The following COLEC12 variants were observed in gnomAD, a reference collection of about 807,000 sequenced individuals.
The protein encoded by COLEC12 is collectin subfamily member 12.
A neutral mutation model predicts 71.1 loss-of-function variants in COLEC12; 33 were observed. The ratio of observed to expected loss-of-function variants is 0.46; its 90% CI spans 0.35 to 0.62. COLEC12 has a LOEUF of 0.62. Among genes scored for constraint, COLEC12 ranks in the 20% least tolerant of loss-of-function variants. The pLI is 0.00. For synonymous variants in COLEC12, 350 were observed against 353.0 expected, an observed-to-expected ratio of 0.99 and a Z score of 0.10; for missense variants, 765 against 916.1, an observed-to-expected ratio of 0.84 and a Z score of 2.13.
intron 2 of COLEC12, 33 bp from the exon 3 acceptor site, chr18:357,555 G>T (rs1331831697): frequency 6.7e-7 from 1 of 1,490,162 alleles, no homozygotes; most frequent in Admixed American, 2.4e-5. Context: ...ATAACAGTAA[G>T]CAAAGATGTC....
At chr18:381,040 T>A (rs1915221466) in intron 2 of COLEC12, among the ~76,000 whole-genome samples, 1 of 152,112 alleles carries the variant, frequency 6.6e-6, no homozygotes, top group Non-Finnish European at 1.5e-5. Context: ...AGCCACAGAA[T>A]GTCAAAAGTG....
At chr18:474,868 T>A (rs1323809215) in intron 2 of COLEC12, among the ~76,000 whole-genome samples, 1 of 150,964 alleles carries the variant, frequency 6.6e-6, no homozygotes, top group Non-Finnish European at 1.5e-5. Context: ...AGGTCAGGAG[T>A]TCAAGACCAG....
At chr18:390,888 G>A (rs1474532342) in intron 2 of COLEC12, among the ~76,000 whole-genome samples, 1 of 151,202 alleles carries the variant, frequency 6.6e-6, no homozygotes. Flanking sequence ...TTAGCAGCAA[G>A]CACACGGGCA....
At chr18:407,880 C>T (rs1915820673) in intron 2 of COLEC12, among the ~76,000 whole-genome samples, 1 of 152,228 alleles carries the variant, frequency 6.6e-6, no homozygotes, top group African/African-American at 2.4e-5. Context: ...CTGCCTGGAG[C>T]CCGCCCTAGG....
At chr18:433,824 C>A (rs2143679947) in intron 2 of COLEC12, among the ~76,000 whole-genome samples, 1 of 152,146 alleles carries the variant, frequency 6.6e-6, no homozygotes, top group Middle Eastern at 3.4e-3. Context: ...ATTAGCCTCA[C>A]AAGGTGGTGT....
At chr18:419,564 T>G (rs768800602) in intron 2 of COLEC12, among the ~76,000 whole-genome samples, 4 of 152,214 alleles carry the variant, frequency 2.6e-5, no homozygotes, top group Non-Finnish European at 5.9e-5. Flanking sequence ...AATGTTTCTA[T>G]CAAAACGTTT....
At position 408,407 on chromosome 18, in the gene COLEC12, A is replaced by T. The variant is rs985653451; in HGVS notation, c.59-50885T>A. On this transcript the variant is annotated intron_variant, in intron 2 of 9. Coordinates refer to ENST00000400256, the MANE Select transcript of COLEC12 (RefSeq NM_130386.3). The surrounding 1 kb of genome is among the most constrained non-coding windows in gnomAD (Gnocchi z 4.3). ...ATGTAATCCCATCTGTGTTTTCAAT[A>T]AATAATACATCACATACTGCATCTC... 6.6e-5 allele frequency among the ~76,000 whole-genome samples: 10 copies of T among 152,210 alleles called. No homozygotes were observed. The highest frequency in any genetic ancestry group is 2.2e-4 in the African/African-American group (9 of 41,454).
At chr18:397,362 T>G (rs1470178474) in intron 2 of COLEC12, among the ~76,000 whole-genome samples, 1 of 151,956 alleles carries the variant, frequency 6.6e-6, no homozygotes, top group Non-Finnish European at 1.5e-5. Context: ...CCTAATAAAT[T>G]ATCTACACAG....
intron 2 of COLEC12, among the ~76,000 whole-genome samples, chr18:382,990 A>T (rs181886960): frequency 1.1e-4 from 16 of 152,210 alleles, no homozygotes; most frequent in Non-Finnish European, 2.1e-4. Flanking sequence ...TTGGGGTGTC[A>T]TCTACAGGCA....
Position 408,453 on chromosome 18 carries a change from A to G in COLEC12, c.59-50931T>C, listed in dbSNP as rs921635885. ...ATCTCCTTTAGTGGTCTTTTCAATC[A>G]TGATAACAAAAACTCCTGTGGTTCA... is the stretch of plus-strand genomic sequence containing the variant. On this transcript the variant is annotated intron_variant, in intron 2 of 9. Coordinates refer to ENST00000400256, the MANE Select transcript of COLEC12 (RefSeq NM_130386.3). This position sits in a 1 kb window ranked among gnomAD's most constrained non-coding sequence, Gnocchi z 4.3. Among the ~76,000 whole-genome samples the G allele has an allele frequency of 6.6e-6, 1 of 152,146 alleles. No individual in the cohort carries two copies. Among genetic ancestry groups the G allele is most frequent in the Non-Finnish European group, 1.5e-5 (1 of 68,032 alleles).
At chr18:414,377 G>T (rs1031943983) in intron 2 of COLEC12, among the ~76,000 whole-genome samples, 1 of 151,956 alleles carries the variant, frequency 6.6e-6, no homozygotes, top group Non-Finnish European at 1.5e-5. Flanking sequence ...ATCACCTGAG[G>T]TACCTGAGGT....
intron 2 of COLEC12, among the ~76,000 whole-genome samples, chr18:371,281 C>T (rs9961954): frequency 0.36 from 55,356 of 152,058 alleles, 10,585 homozygotes; most frequent in Admixed American, 0.43. Context: ...CACTCATTTA[C>T]TAGGGTATAC....
Position 500,638 on chromosome 18 carries a change from C to A in COLEC12, c.-124G>T. 1 of 750,050 alleles carries A rather than the reference C, an allele frequency of 1.3e-6. No homozygotes were observed. Among genetic ancestry groups the A allele is most frequent in the East Asian group, 4.8e-5 (1 of 21,034 alleles). The allele number at this position is 750,050 out of a possible 1,614,324, so 46.5% of individuals were successfully genotyped here. On this transcript the variant is annotated 5_prime_UTR_variant, in exon 1 of 10. Transcript: ENST00000400256. The surrounding 1 kb of genome is among the most constrained non-coding windows in gnomAD (Gnocchi z 5.3). ...AGCCGCGCCGCGCGCCGGCCGTCTGCGCCCCCGTCCTCCCTCGCCGCCGCC... is the reference window on the plus strand; with the variant it reads ...AGCCGCGCCGCGCGCCGGCCGTCTGAGCCCCCGTCCTCCCTCGCCGCCGCC...
chr18:454,133 C>T (rs1037248186), intron 2 of COLEC12, among the ~76,000 whole-genome samples: 8 of 149,484 alleles, frequency 5.4e-5, no homozygotes, highest in African/African-American at 2.0e-4. Flanking sequence ...CCCCATGGGC[C>T]CCCTGGTCTC....
chr18:335,408 TC>T (rs1405845688), intron 5 of COLEC12, among the ~76,000 whole-genome samples, 178 bp from the exon 6 acceptor site: 1 of 152,220 alleles, frequency 6.6e-6, no homozygotes, highest in African/African-American at 2.4e-5. Flanking sequence ...AATTATGTCC[TC>T]CTCCAAATTC....
At chr18:322,989 C>T (rs1913748106) in intron 8 of COLEC12, among the ~76,000 whole-genome samples, 1 of 152,146 alleles carries the variant, frequency 6.6e-6, no homozygotes, top group African/African-American at 2.4e-5. Context: ...TTTTGGGGGG[C>T]TGAGGCAGAT....
chr18:379,989 T>A (rs531873278), intron 2 of COLEC12, among the ~76,000 whole-genome samples: 2 of 152,184 alleles, frequency 1.3e-5, no homozygotes, highest in African/African-American at 2.4e-5. Context: ...AGCTTTATTT[T>A]TTTTTTCCAA....
At chr18:440,381 A>C (rs1010350618) in intron 2 of COLEC12, among the ~76,000 whole-genome samples, 3 of 48,878 alleles carry the variant, frequency 6.1e-5, no homozygotes, top group African/African-American at 1.8e-4. Flanking sequence ...ACACACATAC[A>C]CACACACACA....
intron 2 of COLEC12, among the ~76,000 whole-genome samples, chr18:464,174 C>A (rs530352754): frequency 2.0e-5 from 3 of 152,208 alleles, no homozygotes; most frequent in Admixed American, 1.3e-4. Context: ...CACGGATACA[C>A]TAACTTGTAT....
Sources: gnomAD v4.1 joint callset for allele counts (sites outside exome capture counted in the v4.1 genomes callset) on GRCh38, gnomAD v4.1.1 for gene constraint, Gnocchi (gnomAD v3.1) non-coding constraint, MANE v1.5 for transcripts, NCBI Gene and HGNC (gene_info 2026-07-23, HGNC 2026-07-21) for gene names.